The following FTSJ3 variants were observed in gnomAD, a reference collection of about 807,000 sequenced individuals.
FTSJ3 encodes the protein FtsJ RNA 2'-O-methyltransferase 3, also known as pre-rRNA 2'-O-ribose RNA methyltransferase FTSJ3.
FTSJ3 carries 46 observed loss-of-function variants against 111.5 expected under a neutral mutation model. The observed-to-expected ratio is 0.41, with a 90% confidence interval of 0.33 to 0.53. The LOEUF (loss-of-function observed/expected upper bound fraction) is 0.53. Among genes scored for constraint, FTSJ3 ranks in the 20% least tolerant of loss-of-function variants. The probability of loss-of-function intolerance (pLI) is 0.19; values close to 1 mark genes in which losing one functional copy is unlikely to be tolerated. For synonymous variants in FTSJ3, 408 were observed against 383.0 expected (o/e 1.07, Z -0.76); for missense variants, 1,075 against 1,063.8 (o/e 1.01, Z -0.15).
At chr17:63,821,174 C>G in intron 16 of FTSJ3, 59 bp from the exon 17 acceptor site, 1 of 1,587,326 alleles carries the variant, frequency 6.3e-7, no homozygotes, top group South Asian at 1.1e-5. Context: ...AGACCGCACT[C>G]CCACGGAATT....
chr17:63,820,640 G>A (rs1050477579), intron 18 of FTSJ3, among the ~76,000 whole-genome samples, 199 bp downstream of exon 18: 30 of 151,956 alleles, frequency 2.0e-4, no homozygotes, highest in South Asian at 4.1e-4. Context: ...TTAGCTGGGC[G>A]TGGTGGTTGG....
In FTSJ3 at chr17:63,819,960, G is replaced by A. The variant is rs1401208010; in HGVS notation, c.2386C>T (p.Arg796Cys). ...TTGGCTACAACGTAGGTGACATGGC[G>A]TTTCTCCTTGCCAAGCCCAGCCTTC... is the stretch of plus-strand genomic sequence containing the variant. The part of the protein sequence containing the change: ...YKKAGLGKEK[R>C]HVTYVVAKKG... Residue 796 changes from arginine to cysteine, a missense_variant, in exon 21 of 21, where the codon CGC becomes TGC. Physicochemically the swap from Arg to Cys is radical, Grantham distance 180. This residue lies in a region of FTSJ3 where 867 missense variants were observed against 796.9 expected (regional missense o/e 1.09). Transcript: ENST00000427159. The A allele has an allele frequency of 1.8e-5, 29 of 1,614,074 alleles. No homozygotes were observed. Among genetic ancestry groups the A allele is most frequent in the South Asian group, 3.3e-5 (3 of 91,080 alleles).
chr17:63,826,761 A>T (rs1324831927), intron 2 of FTSJ3, 75 bp downstream of exon 2: 2 of 1,564,980 alleles, frequency 1.3e-6, no homozygotes, highest in Non-Finnish European at 1.8e-6. Context: ...GGAGAGGTAC[A>T]TAATGGTCGC....
At chr17:63,826,968 G>A in intron 1 of FTSJ3, 40 bp from the exon 2 acceptor site, 1 of 1,381,016 alleles carries the variant, frequency 7.2e-7, no homozygotes, top group Admixed American at 1.7e-5. Context: ...TCTTTCCGGA[G>A]CACCAGATTC....
At chr17:63,823,307 A>G (rs2040067004) in intron 13 of FTSJ3, among the ~76,000 whole-genome samples, 1 of 152,088 alleles carries the variant, frequency 6.6e-6, no homozygotes, top group East Asian at 1.9e-4. Context: ...TCAAGAATAA[A>G]TCTATCAGCC....
Position 63,819,765 on chromosome 17 carries a change from T to C in FTSJ3, c.*37A>G, listed in dbSNP as rs563310643. ...CTGAGCCATGCCACACCCTTCCTCC[T>C]AGTCCCCATGCTCTCCTGGGAGCCT... On this transcript the variant is annotated 3_prime_UTR_variant, in exon 21 of 21. Coordinates refer to ENST00000427159, the MANE Select transcript of FTSJ3 (RefSeq NM_017647.4). The C allele has an allele frequency of 6.3e-7, 1 of 1,577,338 alleles. No individual in the cohort carries two copies. Among genetic ancestry groups the C allele is most frequent in the Non-Finnish European group, 8.6e-7 (1 of 1,158,612 alleles).
chr17:63,820,819 T>A lies in FTSJ3; in HGVS notation c.2072+20A>T, dbSNP rs1567751266. ...CCACCAGACCCTGGGTCACTCTTGA[T>A]GAGTTTATGGCCCCTTTACCGGTTG... On this transcript the variant is annotated intron_variant, in intron 18 of 20. Transcript: ENST00000427159. The A allele has an allele frequency of 8.9e-6, 14 of 1,569,700 alleles. No individual in the cohort carries two copies. The highest frequency in any genetic ancestry group is 1.2e-5 in the Non-Finnish European group (14 of 1,140,050).
chr17:63,823,972 G>A lies in FTSJ3; in HGVS notation c.1155-20C>T, dbSNP rs1485157590. 6.2e-7 allele frequency: 1 copy of A among 1,613,980 alleles called. No individual in the cohort carries two copies. The highest frequency in any genetic ancestry group is 8.5e-7 in the Non-Finnish European group (1 of 1,180,002). ...TTCTTCCTGAGGGGGTGGATTGAGG[G>A]AGTAAAACCGGCCCAGCTCCAAAGT... On this transcript the variant is annotated intron_variant, in intron 12 of 20. Transcript: ENST00000427159.
At chr17:63,827,017 A>C in intron 1 of FTSJ3, 35 bp downstream of exon 1, 1 of 878,846 alleles carries the variant, frequency 1.1e-6, no homozygotes, top group South Asian at 1.4e-5. Flanking sequence ...CACTTCCCGC[A>C]GCAATTCCAC....
chr17:63,825,510 A>T, intron 6 of FTSJ3, 26 bp downstream of exon 6: 1 of 1,612,706 alleles, frequency 6.2e-7, no homozygotes, highest in Non-Finnish European at 8.5e-7. Context: ...CCATCACCTG[A>T]TCTCCAAGCA....
In FTSJ3 at chr17:63,820,101, C is replaced by G. The variant is rs767480122; in HGVS notation, c.2329G>C (p.Glu777Gln). 3 of 1,614,122 alleles carry G rather than the reference C, an allele frequency of 1.9e-6. No homozygotes were observed. Among genetic ancestry groups the G allele is most frequent in the Non-Finnish European group, 2.5e-6 (3 of 1,180,010 alleles). ...VVNTVDISER[E>Q]KVAQLRSLYK... ...TACCTTCGCAGCTGTGCCACTTTCT[C>G]TCGTTCTGAGATGTCCACTGTGTTC... is the stretch of plus-strand genomic sequence containing the variant. The change falls in exon 20 of 21, where the codon GAG (glutamate) becomes CAG (glutamine). Residue 777 changes from glutamate (E) to glutamine (Q), a missense_variant. This residue lies in a region of FTSJ3 where 867 missense variants were observed against 796.9 expected (regional missense o/e 1.09). Coordinates refer to ENST00000427159, the MANE Select transcript of FTSJ3 (RefSeq NM_017647.4).
rs1197089100 is a variant in FTSJ3, at chr17:63,820,003, G to T, written c.2352-9C>A. ...CAGCCTTCTTGTAGAGACTACAGGGGGGAAGAGAAGAGGTTAGAGGCTTGC... is the reference window on the plus strand; with the variant it reads ...CAGCCTTCTTGTAGAGACTACAGGGTGGAAGAGAAGAGGTTAGAGGCTTGC... On this transcript the variant is annotated splice_polypyrimidine_tract_variant and intron_variant, in intron 20 of 20. Transcript: ENST00000427159. 6.2e-7 allele frequency: 1 copy of T among 1,613,906 alleles called. No individual in the cohort carries two copies. The highest frequency in any genetic ancestry group is 1.3e-5 in the African/African-American group (1 of 74,996).
chr17:63,820,936 T>C lies in FTSJ3; in HGVS notation c.1975A>G (p.Lys659Glu), dbSNP rs757121437. ...CCTTCGGGGTCCAGTATCCGATGTT[T>C]CGCTAGAGAGGGAAGGAGAAAGGTC... ...FEIVPIEDPA[K>E]HRILDPEGLA... The change falls in exon 18 of 21, where the codon AAA (lysine) becomes GAA (glutamate). Residue 659 changes from lysine (K) to glutamate (E), a missense_variant and splice_region_variant. Coordinates refer to ENST00000427159, the MANE Select transcript of FTSJ3 (RefSeq NM_017647.4). The C allele has an allele frequency of 6.2e-7, 1 of 1,614,100 alleles. No homozygotes were observed. The highest frequency in any genetic ancestry group is 1.1e-5 in the South Asian group (1 of 91,082).
rs777145453 is a variant in FTSJ3 at position 63,821,817 on chromosome 17, T to C, written c.1502A>G (p.Asp501Gly). 6.2e-7 allele frequency: 1 copy of C among 1,614,098 alleles called. No homozygotes were observed. The highest frequency in any genetic ancestry group is 1.1e-5 in the South Asian group (1 of 91,080). The change falls in exon 15 of 21, where the codon GAT becomes GGT. Residue 501 changes from aspartate (D) to glycine (G), a missense_variant. Coordinates refer to ENST00000427159, the MANE Select transcript of FTSJ3 (RefSeq NM_017647.4). ...KRMRLTEVQD[D>G]KEEEEEENPL... ...ATTCTCCTCCTCCTCCTCCTCTTTA[T>C]CATCTTGCACTTCAGTAAGTCGCAT... is the stretch of plus-strand genomic sequence containing the variant.
In FTSJ3 at chr17:63,821,567, C is replaced by T. The variant is rs767627323; in HGVS notation, c.1673G>A (p.Arg558Gln). The change falls in exon 16 of 21, where the codon CGG becomes CAG. Residue 558 changes from arginine (R) to glutamine (Q), a missense_variant. By Grantham distance (43) the Arg-to-Gln change is conservative. This residue lies in a region of FTSJ3 where 867 missense variants were observed against 796.9 expected (regional missense o/e 1.09). Coordinates refer to ENST00000427159, the MANE Select transcript of FTSJ3 (RefSeq NM_017647.4). ...ISQAQLLFEN[R>Q]RKGRQQQQKQ... ...CTGCTGCTGCTGCCGTCCCTTCCGC[C>T]GGTTCTCAAATAACAGCTGGGCCTG... The T allele has an allele frequency of 6.8e-6, 11 of 1,614,096 alleles. No individual in the cohort carries two copies. Among genetic ancestry groups the T allele is most frequent in the East Asian group, 6.7e-5 (3 of 44,876 alleles).
Position 63,821,531 on chromosome 17 carries a change from A to G in FTSJ3, c.1709T>C (p.Leu570Pro), listed in dbSNP as rs1372338554. The G allele has an allele frequency of 5.0e-6, 8 of 1,614,130 alleles. No homozygotes were observed. In the East Asian group the frequency reaches 1.8e-4, roughly 36 times the overall value. ...CAAACAGGAAGGGGGTGTCTGTGGC[A>G]GCTGCTGCTTCTGCTGCTGCTGCCG... ...KGRQQQQKQQLPQTPPSCLKT... is the reference protein window; with the variant it reads ...KGRQQQQKQQPPQTPPSCLKT... Residue 570 changes from leucine to proline, a missense_variant, in exon 16 of 21, where the codon CTG (leucine) becomes CCG (proline). Around this residue, in one of 2 missense-constraint regions of FTSJ3, gnomAD observed 867 missense variants for 796.9 expected, o/e 1.09. Transcript: ENST00000427159.
intron 13 of FTSJ3, 70 bp downstream of exon 13, chr17:63,823,747 C>T (rs2040071231): frequency 1.3e-6 from 2 of 1,545,476 alleles, no homozygotes; most frequent in Non-Finnish European, 1.8e-6. Context: ...AGACATTCAA[C>T]ACCCCCCACC....
chr17:63,823,154 C>T (rs2040065774), intron 13 of FTSJ3, among the ~76,000 whole-genome samples: 1 of 152,196 alleles, frequency 6.6e-6, no homozygotes, highest in Admixed American at 6.5e-5. Flanking sequence ...TGGAAGTACC[C>T]TAATGCGAGT....
intron 9 of FTSJ3, 22 bp from the exon 10 acceptor site, chr17:63,824,759 T>C (rs777652105): frequency 6.2e-7 from 1 of 1,608,724 alleles, no homozygotes; most frequent in Non-Finnish European, 8.5e-7. Flanking sequence ...GATGGAAAGG[T>C]GTCAGGGGAG....
Sources: allele counts gnomAD v4.1 joint callset (sites outside exome capture counted in the v4.1 genomes callset), GRCh38; gene constraint gnomAD v4.1.1; regional missense constraint gnomAD v4.1.1; transcripts MANE v1.5; gene names NCBI Gene and HGNC (gene_info 2026-07-23, HGNC 2026-07-21).